IRF9: variants seen among roughly 807,000 people sequenced by gnomAD.
IRF9 encodes the protein IFN-alpha-responsive transcription factor subunit.
Under a neutral mutation model 44.1 loss-of-function variants are expected in IRF9, and 13 were observed. The ratio of observed to expected loss-of-function variants is 0.29; its 90% CI spans 0.19 to 0.47. The LOEUF is 0.47. Ranked by LOEUF, IRF9 falls within the 20% of genes least tolerant of loss-of-function variation. The pLI is 1.00. For missense variants in IRF9, 373 were observed against 496.1 expected, an observed-to-expected ratio of 0.75 and a Z score of 2.36; for synonymous variants, 189 against 188.5, an observed-to-expected ratio of 1.00 and a Z score of -0.02.
chr14:24,166,146 T>A lies in IRF9; in HGVS notation c.1132T>A (p.Leu378Met), dbSNP rs2038519233. ...VKMEQAFARY[L>M]LEQTPEQQAA... ...GATGGAGCAGGCCTTTGCCCGATAC[T>A]TGCTGGAGCAGACTCCAGAGCAGCA... is the stretch of plus-strand genomic sequence containing the variant. Residue 378 changes from leucine (L) to methionine (M), a missense_variant, in exon 9 of 9, where the codon TTG becomes ATG. Transcript: ENST00000396864. The A allele has an allele frequency of 6.2e-7, 1 of 1,614,094 alleles. No homozygotes were observed. Among genetic ancestry groups the A allele is most frequent in the East Asian group, 2.2e-5 (1 of 44,886 alleles).
intron 7 of IRF9, chr14:24,165,201 A>G: frequency 2.8e-6 from 2 of 702,698 alleles, no homozygotes; most frequent in Non-Finnish European, 5.2e-6. Flanking sequence ...CCAGCACAAG[A>G]GTGTCATATC....
In IRF9 at chr14:24,165,507, C is replaced by T. The variant is rs1412450386; in HGVS notation, c.992-340C>T. 4.5e-5 allele frequency: 24 copies of T among 530,062 alleles called. No individual in the cohort carries two copies. The Admixed American group carries it at 7.7e-4, about 17-fold the overall frequency. 32.8% of individuals were successfully genotyped at this position (530,062 alleles called of 1,614,324 possible). On this transcript the variant is annotated intron_variant, in intron 7 of 8. Coordinates refer to ENST00000396864, the MANE Select transcript of IRF9 (RefSeq NM_006084.5). ...TGGGTGTTCCCAGGGCCATGGGTGC[C>T]CTAGCACTGGGAGGATGTGAGCAAG...
Position 24,164,223 on chromosome 14 carries a change from C to A in IRF9, c.649+89C>A. 8.8e-7 allele frequency: 1 copy of A among 1,133,548 alleles called. No homozygotes were observed. Among genetic ancestry groups the A allele is most frequent in the Non-Finnish European group, 1.3e-6 (1 of 749,022 alleles). 70.2% of individuals were successfully genotyped at this position (1,133,548 alleles called of 1,614,324 possible). A position where few individuals can be genotyped will look rare whatever the true frequency, so the allele number is the denominator to read the frequency against. On this transcript the variant is annotated intron_variant, in intron 6 of 8. Coordinates refer to ENST00000396864, the MANE Select transcript of IRF9 (RefSeq NM_006084.5). This position sits in a 1 kb window ranked among gnomAD's most constrained non-coding sequence, Gnocchi z 5.2. Reference sequence around the variant, plus strand: ...GCATGCATTATCTAGTCAGTCAGGGCTTACAGCAAACTGTACCCACATTAC... The same window carrying A: ...GCATGCATTATCTAGTCAGTCAGGGATTACAGCAAACTGTACCCACATTAC...
chr14:24,163,525 G>C lies in IRF9; in HGVS notation c.495+17G>C. 6.2e-7 allele frequency: 1 copy of C among 1,612,642 alleles called. No individual in the cohort carries two copies. Among genetic ancestry groups the C allele is most frequent in the Non-Finnish European group, 8.5e-7 (1 of 1,179,036 alleles). On this transcript the variant is annotated intron_variant, in intron 4 of 8. Transcript: ENST00000396864. ...CTCAATAATGTAAGAGATGGAGAGG[G>C]AACTGGGTGGGCCTAAGGGCAGGAC...
chr14:24,163,090 G>A lies in IRF9; in HGVS notation c.305G>A (p.Arg102His), dbSNP rs370001528. The A allele has an allele frequency of 1.6e-4, 253 of 1,614,136 alleles. 2 individuals carry two copies. The South Asian group carries it at 2.4e-3, about 15-fold the overall frequency. ...SEFKEVPERG[R>H]MDVAEPYKVY... The stretch of plus-strand genomic sequence containing the variant: ...TTTAAGGAGGTTCCTGAGAGGGGCC[G>A]CATGGATGTTGCTGAGCCCTACAAG... Residue 102 changes from arginine to histidine, a missense_variant, in exon 3 of 9, where the codon CGC becomes CAC. By Grantham distance (29) the Arg-to-His change is conservative. This residue lies in a region of IRF9 where 227 missense variants were observed against 255.3 expected (regional missense o/e 0.89). Transcript: ENST00000396864.
Position 24,163,190 on chromosome 14 carries a change from C to A in IRF9, c.364+41C>A, listed in dbSNP as rs1449263610. On this transcript the variant is annotated intron_variant, in intron 3 of 8. Transcript: ENST00000396864. ...TCCAACCACTGCTAGACTCAGCAGA[C>A]TGGGGAGGAAGGATAGATGTGCAGG... The A allele has an allele frequency of 2.5e-6, 4 of 1,604,064 alleles. No individual in the cohort carries two copies. In the South Asian group the frequency reaches 4.4e-5, roughly 18 times the overall value.
intron 2 of IRF9, 150 bp from the exon 3 acceptor site, chr14:24,162,816 T>A (rs903055664): frequency 4.9e-5 from 28 of 571,986 alleles, no homozygotes; most frequent in East Asian, 1.6e-4. Context: ...AAAAAAAAAA[T>A]TTCCAAGGAT....
rs745584683 is a variant in IRF9, at chr14:24,165,974, G to A, written c.1107+12G>A. 3.7e-6 allele frequency: 6 copies of A among 1,608,784 alleles called. No homozygotes were observed. The South Asian group carries it at 6.6e-5, about 18-fold the overall frequency. ...TTATCACAGTGAAGGTGAGCTCGGAGCAGGGGTAGAGTACCCATCTAATGA... is the reference window on the plus strand; with the variant it reads ...TTATCACAGTGAAGGTGAGCTCGGAACAGGGGTAGAGTACCCATCTAATGA... On this transcript the variant is annotated intron_variant, in intron 8 of 8. Coordinates refer to ENST00000396864, the MANE Select transcript of IRF9 (RefSeq NM_006084.5).
intron 7 of IRF9, 116 bp from the exon 8 acceptor site, chr14:24,165,731 G>A: frequency 1.5e-6 from 1 of 661,274 alleles, no homozygotes; most frequent in Non-Finnish European, 2.6e-6. Context: ...TGCAGCTCCT[G>A]CTCTGGCAAG....
intron 1 of IRF9, 80 bp from the exon 2 acceptor site, chr14:24,162,064 A>T: frequency 1.5e-6 from 2 of 1,346,326 alleles, no homozygotes; most frequent in Non-Finnish European, 1.0e-6. Flanking sequence ...GCCAGAATCT[A>T]GTCTCAATGG....
Position 24,163,003 on chromosome 14 carries a change from A to T in IRF9, c.218A>T (p.Asp73Val), listed in dbSNP as rs371863503. Residue 73 changes from aspartate (D) to valine (V), a missense_variant, in exon 3 of 9, where the codon GAC becomes GTC. By Grantham distance (152) the Asp-to-Val change is radical. This residue lies in a region of IRF9 where 227 missense variants were observed against 255.3 expected (regional missense o/e 0.89). Transcript: ENST00000396864. ...TTTAAGGGAAAGTATAAGGAGGGGG[A>T]CACAGGAGGTCCAGCTGTCTGGAAG... ...AIFKGKYKEG[D>V]TGGPAVWKTR... The T allele has an allele frequency of 2.5e-6, 4 of 1,613,752 alleles. No individual in the cohort carries two copies. In the African/African-American group the frequency reaches 5.3e-5, roughly 22 times the overall value.
Position 24,166,189 on chromosome 14 carries a change from T to G in IRF9, c.1175T>G (p.Leu392Arg). Residue 392 changes from leucine (L) to arginine (R), a missense_variant, in exon 9 of 9, where the codon CTG becomes CGG. By Grantham distance (102) the Leu-to-Arg change is moderately radical. Transcript: ENST00000396864. The part of the protein sequence containing the change: ...TPEQQAAILS[L>R]V The stretch of plus-strand genomic sequence containing the variant: ...GAGCAGCAGGCAGCCATTCTGTCCC[T>G]GGTGTAGAGCCTGGGGGACCCATCT... The G allele has an allele frequency of 6.2e-7, 1 of 1,613,934 alleles. No individual in the cohort carries two copies.
Position 24,162,253 on chromosome 14 carries a change from A to G in IRF9, c.109A>G (p.Met37Val). The G allele has an allele frequency of 6.2e-7, 1 of 1,614,162 alleles. No homozygotes were observed. The highest frequency in any genetic ancestry group is 8.5e-7 in the Non-Finnish European group (1 of 1,180,040). ...GTGCTGGGATGATACAGCTAAGACC[A>G]TGTTCCGGATTCCCTGGAAACATGC... is the stretch of plus-strand genomic sequence containing the variant. ...GVCWDDTAKT[M>V]FRIPWKHAGK... Residue 37 changes from methionine to valine, a missense_variant, in exon 2 of 9, where the codon ATG becomes GTG. This residue lies in a region of IRF9 where 227 missense variants were observed against 255.3 expected (regional missense o/e 0.89). Coordinates refer to ENST00000396864, the MANE Select transcript of IRF9 (RefSeq NM_006084.5).
In IRF9 at chr14:24,166,491, C is replaced by T. The variant is rs1430658781; in HGVS notation, c.*295C>T. The T allele has an allele frequency of 6.1e-6, 3 of 490,272 alleles. No homozygotes were observed. The highest frequency in any genetic ancestry group is 4.0e-5 in the African/African-American group (2 of 50,518). The allele number at this position is 490,272 out of a possible 1,614,324, so 30.4% of individuals were successfully genotyped here. A position where few individuals can be genotyped will look rare whatever the true frequency, so the allele number is the denominator to read the frequency against. ...TTCCCTCTTCCCTGACCTCCCAACT[C>T]TAAAGCCAAGCACTTTATATTTTCC... On this transcript the variant is annotated 3_prime_UTR_variant, in exon 9 of 9. Transcript: ENST00000396864.
chr14:24,164,214 C>A lies in IRF9; in HGVS notation c.649+80C>A. On this transcript the variant is annotated intron_variant, in intron 6 of 8. Coordinates refer to ENST00000396864, the MANE Select transcript of IRF9 (RefSeq NM_006084.5). This position sits in a 1 kb window ranked among gnomAD's most constrained non-coding sequence, Gnocchi z 5.2. ...TTTGACTATGCATGCATTATCTAGT[C>A]AGTCAGGGCTTACAGCAAACTGTAC... is the stretch of plus-strand genomic sequence containing the variant. 2.5e-6 allele frequency: 3 copies of A among 1,208,370 alleles called. No homozygotes were observed. Among genetic ancestry groups the A allele is most frequent in the Non-Finnish European group, 2.5e-6 (2 of 813,846 alleles). The allele number at this position is 1,208,370 out of a possible 1,614,324, so 74.9% of individuals were successfully genotyped here. A position where few individuals can be genotyped will look rare whatever the true frequency, so the allele number is the denominator to read the frequency against.
rs2038470738 is a variant in IRF9, at chr14:24,162,450, G to C, written c.180+126G>C. On this transcript the variant is annotated intron_variant, in intron 2 of 8. Transcript: ENST00000396864. ...AGGGACAGATTGGAGAGGAAAACTAGCTGCATCATTTGCAGAGTCCAGTAC... is the reference window on the plus strand; with the variant it reads ...AGGGACAGATTGGAGAGGAAAACTACCTGCATCATTTGCAGAGTCCAGTAC... 6 of 947,568 alleles carry C rather than the reference G, an allele frequency of 6.3e-6. No homozygotes were observed. The South Asian group carries it at 1.0e-4, about 16-fold the overall frequency. The allele number at this position is 947,568 out of a possible 1,614,324, so 58.7% of individuals were successfully genotyped here. A position where few individuals can be genotyped will look rare whatever the true frequency, so the allele number is the denominator to read the frequency against.
In IRF9 at chr14:24,164,423, C is replaced by G. The variant is rs1043520697; in HGVS notation, c.650-191C>G. The G allele has an allele frequency of 4.8e-6, 3 of 624,424 alleles. No individual in the cohort carries two copies. The highest frequency in any genetic ancestry group is 8.4e-6 in the Non-Finnish European group (3 of 359,064). The allele number at this position is 624,424 out of a possible 1,614,324, so 38.7% of individuals were successfully genotyped here. The stretch of plus-strand genomic sequence containing the variant: ...TCTCAAGGGACCTTCTAGTAAACTA[C>G]AAGCCCCTGGGCATTGAGCCCTGAG... On this transcript the variant is annotated intron_variant, in intron 6 of 8. Transcript: ENST00000396864. The surrounding 1 kb of genome is among the most constrained non-coding windows in gnomAD (Gnocchi z 5.2).
At position 24,166,501 on chromosome 14, in the gene IRF9, G is replaced by T; in HGVS notation, c.*305G>T. On this transcript the variant is annotated 3_prime_UTR_variant, in exon 9 of 9. Transcript: ENST00000396864. ...CCTGACCTCCCAACTCTAAAGCCAA[G>T]CACTTTATATTTTCCTCTTAGATAT... is the stretch of plus-strand genomic sequence containing the variant. 2.1e-6 allele frequency: 1 copy of T among 466,392 alleles called. No individual in the cohort carries two copies. The highest frequency in any genetic ancestry group is 2.0e-5 in the African/African-American group (1 of 49,892). 28.9% of individuals were successfully genotyped at this position (466,392 alleles called of 1,614,324 possible).
rs775825628 is a variant in IRF9, at chr14:24,164,169, T to C, written c.649+35T>C. 1 of 1,581,282 alleles carries C rather than the reference T, an allele frequency of 6.3e-7. No individual in the cohort carries two copies. The highest frequency in any genetic ancestry group is 1.1e-5 in the South Asian group (1 of 90,382). Reference sequence around the variant, plus strand: ...ATTTCTGACTTTCTCCTGTGCCCTGTGCCCCTGAGGTCTTCCACCTTTGAC... The same window carrying C: ...ATTTCTGACTTTCTCCTGTGCCCTGCGCCCCTGAGGTCTTCCACCTTTGAC... On this transcript the variant is annotated intron_variant, in intron 6 of 8. Coordinates refer to ENST00000396864, the MANE Select transcript of IRF9 (RefSeq NM_006084.5). This position sits in a 1 kb window ranked among gnomAD's most constrained non-coding sequence, Gnocchi z 5.2.
Sources: gnomAD v4.1 joint callset for allele counts on GRCh38, gnomAD v4.1.1 for gene constraint, gnomAD v4.1.1 regional missense constraint, Gnocchi (gnomAD v3.1) non-coding constraint, MANE v1.5 for transcripts, NCBI Gene and HGNC (gene_info 2026-07-23, HGNC 2026-07-21) for gene names.